The following ATXN7 variants were observed in gnomAD, a reference collection of about 807,000 sequenced individuals.
ATXN7 encodes the protein ataxin 7.
ATXN7 carries 12 observed loss-of-function variants against 70.5 expected under a neutral mutation model. That is an observed-to-expected ratio of 0.17 (90% CI 0.11 to 0.28). The LOEUF is 0.28. Ranked by LOEUF, ATXN7 falls within the 10% of genes least tolerant of loss-of-function variation. ATXN7 has a pLI of 1.00. For missense variants in ATXN7, 1,256 were observed against 1,131.7 expected (o/e 1.11, Z -1.58); for synonymous variants, 498 against 448.7 (o/e 1.11, Z -1.39).
Position 63,863,980 on chromosome 3 carries a change from GGACCCGCGCTCCCC to G in ATXN7, c.-287_-274del, listed in dbSNP as rs1702321982. 1 of 148,398 alleles carries G rather than the reference GGACCCGCGCTCCCC, an allele frequency of 6.7e-6. No homozygotes were observed. Among genetic ancestry groups the G allele is most frequent in the African/African-American group, 2.5e-5 (1 of 40,124 alleles). 9.2% of individuals were successfully genotyped at this position (148,398 alleles called of 1,614,324 possible). A position where few individuals can be genotyped will look rare whatever the true frequency, so the allele number is the denominator to read the frequency against. ...CGCCGCCGCCGCCGCCGCCGCCGCG[GGACCCGCGCTCCCC>G]GCGCTCCCGGTACTCCCCGGGGGCG... On this transcript the variant is annotated 5_prime_UTR_variant, in exon 1 of 13. The change creates a premature stop within an existing upstream ORF in the 5' untranslated region. Coordinates refer to ENST00000674280, the MANE Select transcript of ATXN7 (RefSeq NM_001377405.1).
chr3:63,863,446 C>G (rs1039263684), upstream of ATXN7: 23 of 1,129,828 alleles, frequency 2.0e-5, no homozygotes, highest in Non-Finnish European at 2.5e-5. Context: ...TGCACCGCTT[C>G]TAGCCGTCTC....
chr3:63,972,266 T>C (rs945860025), intron 5 of ATXN7, among the ~76,000 whole-genome samples: 2 of 152,252 alleles, frequency 1.3e-5, no homozygotes, highest in African/African-American at 2.4e-5. Context: ...ACTGTGTGCA[T>C]GTTTACCTAT....
chr3:63,982,771 C>A, intron 7 of ATXN7, 168 bp from the exon 8 acceptor site: 1 of 628,730 alleles, frequency 1.6e-6, no homozygotes, highest in Non-Finnish European at 2.8e-6. Flanking sequence ...AGTGATGTTG[C>A]TGCTTTGTTG....
At chr3:63,973,408 C>T (rs111585149) in intron 5 of ATXN7, among the ~76,000 whole-genome samples, 10 of 152,014 alleles carry the variant, frequency 6.6e-5, no homozygotes, top group Non-Finnish European at 4.4e-5. Flanking sequence ...TGCTGATGGT[C>T]TTTTGTAGAG....
chr3:63,896,652 T>C (rs1703457889), intron 1 of ATXN7, among the ~76,000 whole-genome samples: 1 of 152,170 alleles, frequency 6.6e-6, no homozygotes, highest in African/African-American at 2.4e-5. Flanking sequence ...CATACAAGCA[T>C]GTAATAGGTT....
chr3:63,901,177 T>G (rs937331720), intron 2 of ATXN7: 1 of 152,248 alleles, frequency 6.6e-6, no homozygotes, highest in Non-Finnish European at 1.5e-5. Context: ...ATGTATTCTT[T>G]TAAAATATGT....
At chr3:63,995,149 C>A (rs1360996373) in intron 11 of ATXN7, among the ~76,000 whole-genome samples, 1 of 151,938 alleles carries the variant, frequency 6.6e-6, no homozygotes, top group Admixed American at 6.6e-5. Context: ...TGGTGATTAG[C>A]AATCCGACAC....
At chr3:63,902,865 GGATAATCATC>G (rs1703697464) in intron 2 of ATXN7, among the ~76,000 whole-genome samples, 2 of 151,668 alleles carry the variant, frequency 1.3e-5, no homozygotes, top group Admixed American at 1.3e-4. Flanking sequence ...CTTTATAAAA[GGATAATCATC>G]TTTTAAAATA....
At chr3:63,868,052 A>T (rs1280146545) in intron 1 of ATXN7, among the ~76,000 whole-genome samples, 1 of 152,200 alleles carries the variant, frequency 6.6e-6, no homozygotes, top group Admixed American at 6.5e-5. Flanking sequence ...TTAAAAAATT[A>T]TATCTAAAAA....
intron 4 of ATXN7, among the ~76,000 whole-genome samples, chr3:63,914,052 T>C (rs1055775074): frequency 6.6e-6 from 1 of 152,214 alleles, no homozygotes; most frequent in African/African-American, 2.4e-5. Context: ...TTCAAGTTAT[T>C]CTTTCAGTGA....
At chr3:63,867,906 A>C (rs1207783242) in intron 1 of ATXN7, among the ~76,000 whole-genome samples, 1 of 152,184 alleles carries the variant, frequency 6.6e-6, no homozygotes, top group African/African-American at 2.4e-5. Flanking sequence ...TAACAAACAA[A>C]TAAATAAATA....
At chr3:63,920,721 T>G (rs1375361376) in intron 4 of ATXN7, among the ~76,000 whole-genome samples, 1 of 152,144 alleles carries the variant, frequency 6.6e-6, no homozygotes, top group Non-Finnish European at 1.5e-5. Flanking sequence ...GCATTAGAAG[T>G]AATGGGCTTT....
At chr3:63,977,647 T>A (rs993802653) in intron 5 of ATXN7, among the ~76,000 whole-genome samples, 1 of 152,200 alleles carries the variant, frequency 6.6e-6, no homozygotes, top group Non-Finnish European at 1.5e-5. Context: ...GGTGCCCTGC[T>A]TCACTCTGGG....
chr3:63,868,586 T>A (rs1702503838), intron 1 of ATXN7, among the ~76,000 whole-genome samples: 1 of 152,146 alleles, frequency 6.6e-6, no homozygotes, highest in Admixed American at 6.6e-5. Context: ...TGAGTTAGGA[T>A]TGAGTGGTCC....
chr3:64,000,028 C>G lies in ATXN7; in HGVS notation c.*561C>G, dbSNP rs1004653683. 1 of 154,298 alleles carries G rather than the reference C, an allele frequency of 6.5e-6. No individual in the cohort carries two copies. The allele number at this position is 154,298 out of a possible 1,614,324, so 9.6% of individuals were successfully genotyped here. On this transcript the variant is annotated 3_prime_UTR_variant, in exon 13 of 13. Coordinates refer to ENST00000674280, the MANE Select transcript of ATXN7 (RefSeq NM_001377405.1). ...GGCTTTAGATTTTGATAGCAATGTTCCAGGAATGAAATATAGATGTTAGCC... is the reference window on the plus strand; with the variant it reads ...GGCTTTAGATTTTGATAGCAATGTTGCAGGAATGAAATATAGATGTTAGCC...
intron 2 of ATXN7, among the ~76,000 whole-genome samples, chr3:63,911,311 G>A (rs1163613756): frequency 6.6e-6 from 1 of 152,154 alleles, no homozygotes; most frequent in Non-Finnish European, 1.5e-5. Context: ...TTTGCCATCT[G>A]TAGCCTATCG....
At chr3:63,975,466 TC>T (rs1176689578) in intron 5 of ATXN7, among the ~76,000 whole-genome samples, 2 of 152,208 alleles carry the variant, frequency 1.3e-5, no homozygotes, top group Non-Finnish European at 2.9e-5. Flanking sequence ...CATATATCCT[TC>T]TAGATTATTT....
At chr3:63,941,842 T>C (rs1575928321) in intron 4 of ATXN7, among the ~76,000 whole-genome samples, 1 of 152,192 alleles carries the variant, frequency 6.6e-6, no homozygotes, top group East Asian at 1.9e-4. Context: ...ACCTTTTTCC[T>C]TTCCTACTTG....
chr3:63,905,110 G>A (rs1481865285), intron 2 of ATXN7: 1 of 151,914 alleles, frequency 6.6e-6, no homozygotes, highest in East Asian at 1.9e-4. Context: ...AGGTTCTGTG[G>A]GTTTTCATTT....
Sources: gnomAD v4.1 joint callset for allele counts (sites outside exome capture counted in the v4.1 genomes callset) on GRCh38, gnomAD v4.1.1 for gene constraint, MANE v1.5 for transcripts, NCBI Gene and HGNC (gene_info 2026-07-23, HGNC 2026-07-21) for gene names.